GPN3: variants seen among roughly 807,000 people sequenced by gnomAD.
GPN3 encodes the protein GPN-loop GTPase 3.
GPN3 carries 31 observed loss-of-function variants against 38.7 expected under a neutral mutation model. The ratio of observed to expected loss-of-function variants is 0.80; its 90% CI spans 0.60 to 1.08. The LOEUF (loss-of-function observed/expected upper bound fraction) is 1.08. Ranked by LOEUF, GPN3 falls within the 50% of genes least tolerant of loss-of-function variation. The pLI is 0.00. For missense variants in GPN3, 301 were observed against 354.4 expected (o/e 0.85, Z 1.21); for synonymous variants, 116 against 120.2 (o/e 0.96, Z 0.23).
rs1035097879 is a variant in GPN3, at chr12:110,465,087, G to A, written c.157+19C>T. On this transcript the variant is annotated intron_variant, in intron 2 of 7. Coordinates refer to ENST00000228827, the MANE Select transcript of GPN3 (RefSeq NM_016301.4). ...CTTACTGTTCCTGAAGGTGGGGGGAGCCTTTGCTCAGGACTTACCAGCCAT... is the reference window on the plus strand; with the variant it reads ...CTTACTGTTCCTGAAGGTGGGGGGAACCTTTGCTCAGGACTTACCAGCCAT... 30 of 1,311,998 alleles carry A rather than the reference G, an allele frequency of 2.3e-5. No homozygotes were observed. Among genetic ancestry groups the A allele is most frequent in the Non-Finnish European group, 3.3e-5 (30 of 903,908 alleles). 81.3% of individuals were successfully genotyped at this position (1,311,998 alleles called of 1,614,324 possible). A position where few individuals can be genotyped will look rare whatever the true frequency, so the allele number is the denominator to read the frequency against.
intron 6 of GPN3, 151 bp from the exon 7 acceptor site, chr12:110,454,022 CAG>C (rs1217708708): frequency 6.6e-6 from 4 of 603,132 alleles, no homozygotes; most frequent in Admixed American, 3.1e-5. Flanking sequence ...TAGCTAGACA[CAG>C]AGAGTAAATC....
chr12:110,453,169 T>TA (rs1404699480), intron 7 of GPN3, 73 bp from the exon 8 acceptor site: 1 of 755,198 alleles, frequency 1.3e-6, no homozygotes, highest in Admixed American at 2.2e-5. Context: ...TGTTTATATA[T>TA]TTTTCAGGTA....
At chr12:110,463,683 C>A (rs1192960733) in intron 2 of GPN3, among the ~76,000 whole-genome samples, 1 of 147,774 alleles carries the variant, frequency 6.8e-6, no homozygotes, top group Non-Finnish European at 1.5e-5. Flanking sequence ...TCTGTAGTCC[C>A]AGCTACTTGG....
chr12:110,459,616 TACTC>T (rs1427494552), intron 3 of GPN3, 75 bp downstream of exon 3: 4 of 947,134 alleles, frequency 4.2e-6, no homozygotes, highest in African/African-American at 1.6e-5. Context: ...GAGCTACAAA[TACTC>T]ACTCTCCTTT....
At chr12:110,468,391 AG>A, upstream of GPN3, 6 of 1,523,270 alleles carry the variant, frequency 3.9e-6, no homozygotes, top group Non-Finnish European at 5.3e-6. Flanking sequence ...AAAAAAGGGG[AG>A]GGGCGAGGGA....
At chr12:110,456,779 C>T (rs1192933345) in intron 4 of GPN3, among the ~76,000 whole-genome samples, 2 of 151,340 alleles carry the variant, frequency 1.3e-5, no homozygotes, top group Non-Finnish European at 2.9e-5. Context: ...CTCACTGCAA[C>T]CTCTGCTTCC....
At position 110,455,826 on chromosome 12, in the gene GPN3, CT is replaced by C; in HGVS notation, c.554del (p.Lys185ArgfsTer7). The C allele has an allele frequency of 1.3e-6, 2 of 1,551,880 alleles. No individual in the cohort carries two copies. The highest frequency in any genetic ancestry group is 1.8e-6 in the Non-Finnish European group (2 of 1,123,290). On this transcript the variant is annotated frameshift_variant, in exon 5 of 8. Coordinates refer to ENST00000228827, the MANE Select transcript of GPN3 (RefSeq NM_016301.4). LOFTEE classifies it high-confidence loss of function. ...AACAGTGAACTCACTTCTCAATTTC[CT>C]TTTTTGCTTTTTTACTCAGCAGATC... ...KMDLLSKKAK[K>X]EIEKFLDPDM...
intron 3 of GPN3, 50 bp from the exon 4 acceptor site, chr12:110,457,684 C>T (rs763340555): frequency 1.4e-6 from 2 of 1,463,636 alleles, no homozygotes. Flanking sequence ...TATGTTAAAT[C>T]ATCAAGTTAG....
At chr12:110,462,868 T>C (rs2062600056) in intron 2 of GPN3, among the ~76,000 whole-genome samples, 1 of 152,222 alleles carries the variant, frequency 6.6e-6, no homozygotes, top group Non-Finnish European at 1.5e-5. Flanking sequence ...GCCATTCTCC[T>C]GCCTCAGCCT....
intron 1 of GPN3, among the ~76,000 whole-genome samples, chr12:110,466,425 T>C (rs1030680926): frequency 2.6e-5 from 4 of 152,088 alleles, no homozygotes; most frequent in Admixed American, 1.3e-4. Context: ...AGAAAAAACA[T>C]CCATCATGCT....
At chr12:110,453,468 C>T (rs980332286) in intron 7 of GPN3, among the ~76,000 whole-genome samples, 1 of 152,102 alleles carries the variant, frequency 6.6e-6, no homozygotes, top group South Asian at 2.1e-4. Flanking sequence ...CAATGACATA[C>T]GTGAGGGCAG....
Position 110,452,558 on chromosome 12 carries a change from C to T in GPN3, c.*476G>A, listed in dbSNP as rs2062519825. 1 of 159,684 alleles carries T rather than the reference C, an allele frequency of 6.3e-6. No homozygotes were observed. 9.9% of individuals were successfully genotyped at this position (159,684 alleles called of 1,614,324 possible). On this transcript the variant is annotated 3_prime_UTR_variant, in exon 8 of 8. Coordinates refer to ENST00000228827, the MANE Select transcript of GPN3 (RefSeq NM_016301.4). ...ATATATACACATACATATCTCAAAA[C>T]ATAGTTATTTTTACTTTTTAAGTTA...
chr12:110,455,408 G>A (rs1470353508), intron 6 of GPN3, among the ~76,000 whole-genome samples, 178 bp downstream of exon 6: 1 of 151,968 alleles, frequency 6.6e-6, no homozygotes, highest in Non-Finnish European at 1.5e-5. Context: ...GATTACAGGT[G>A]TGAGCCACTG....
At chr12:110,460,255 A>G (rs1043534919) in intron 2 of GPN3, among the ~76,000 whole-genome samples, 5 of 152,228 alleles carry the variant, frequency 3.3e-5, no homozygotes, top group African/African-American at 1.2e-4. Flanking sequence ...AGGCTATGAA[A>G]GAACACACCA....
chr12:110,460,502 C>T (rs554516848), intron 2 of GPN3, among the ~76,000 whole-genome samples: 2 of 152,246 alleles, frequency 1.3e-5, no homozygotes, highest in South Asian at 4.1e-4. Context: ...TTTCCTTATC[C>T]TGGGTTAGAA....
upstream of GPN3, chr12:110,468,503 G>C: frequency 6.5e-7 from 1 of 1,537,222 alleles, no homozygotes; most frequent in South Asian, 1.2e-5. Context: ...ATAAAGCTCC[G>C]CATCCTTGCG....
chr12:110,468,165 G>C lies in GPN3; in HGVS notation c.39C>G (p.Gly13=). 3 of 1,613,286 alleles carry C rather than the reference G, an allele frequency of 1.9e-6. No homozygotes were observed. The highest frequency in any genetic ancestry group is 2.5e-6 in the Non-Finnish European group (3 of 1,180,014). ...CCCCGCAGATCCTCACCTTCCCGCT[G>C]CCCGCGGGGCCCATGACCAGCTGCG... ...RYAQLVMGPA[G]SGKSTYCATM... Residue 13 remains glycine, a synonymous_variant, in exon 1 of 8, where the codon GGC becomes GGG. Transcript: ENST00000228827.
rs1257592006 is a variant in GPN3 at position 110,456,691 on chromosome 12, C to G, written c.451-761G>C. ...AGTTTTTTCTCCCCCACTACTTCCT[C>G]TTTTTTTTTTTTTTTGAGACAGAGT... On this transcript the variant is annotated intron_variant, in intron 4 of 7. Coordinates refer to ENST00000228827, the MANE Select transcript of GPN3 (RefSeq NM_016301.4). Among the ~76,000 whole-genome samples the G allele has an allele frequency of 5.7e-5, 8 of 141,358 alleles. No homozygotes were observed. In the East Asian group the frequency reaches 1.6e-3, roughly 28 times the overall value. 92.7% of individuals were successfully genotyped at this position (141,358 alleles called of 152,430 possible).
intron 3 of GPN3, among the ~76,000 whole-genome samples, chr12:110,458,000 C>T (rs1007821176): frequency 2.0e-5 from 3 of 151,846 alleles, no homozygotes; most frequent in Non-Finnish European, 4.4e-5. Context: ...CGTGGTGGTG[C>T]GCGCCTGTGG....
Sources: gnomAD v4.1 joint callset for allele counts (sites outside exome capture counted in the v4.1 genomes callset) on GRCh38, gnomAD v4.1.1 for gene constraint, MANE v1.5 for transcripts, NCBI Gene and HGNC (gene_info 2026-07-23, HGNC 2026-07-21) for gene names.